Variants in ALPK2 observed in about 807,000 individuals in gnomAD.
ALPK2 encodes alpha-protein kinase 2.
Under a neutral mutation model 163.1 loss-of-function variants are expected in ALPK2, and 127 were observed. The ratio of observed to expected loss-of-function variants is 0.78; its 90% CI spans 0.67 to 0.90. ALPK2 has a LOEUF of 0.90. Ranked by LOEUF, ALPK2 falls within the 40% of genes least tolerant of loss-of-function variation. ALPK2 has a pLI of 0.00. For synonymous variants in ALPK2, 953 were observed against 959.1 expected, an observed-to-expected ratio of 0.99 and a Z score of 0.12; for missense variants, 2,360 against 2,589.6, an observed-to-expected ratio of 0.91 and a Z score of 1.92.
At chr18:58,513,508 T>C (rs887835478) in intron 10 of ALPK2, among the ~76,000 whole-genome samples, 3 of 152,238 alleles carry the variant, frequency 2.0e-5, no homozygotes, top group Admixed American at 6.5e-5. Context: ...ATCAGCCTCC[T>C]GATCCTTCAC....
In ALPK2 at chr18:58,578,919, T is replaced by G. The variant is rs1438411643; in HGVS notation, c.1857A>C (p.Thr619=). The G allele has an allele frequency of 6.2e-7, 1 of 1,614,252 alleles. No homozygotes were observed. The highest frequency in any genetic ancestry group is 1.1e-5 in the South Asian group (1 of 91,082). ...TGTTGCCTTCTTTGGAGACTGAGTC[T>G]GTTGAAGTTTGAAGGGTTTTTGCTT... ...EQEAKTLQTS[T]DSVSKEGNTN... is the part of the protein sequence containing the mutation. The change falls in exon 4 of 13, where the codon ACA becomes ACC. Residue 619 remains threonine (T), a synonymous_variant. Coordinates refer to ENST00000361673, the MANE Select transcript of ALPK2 (RefSeq NM_052947.4).
chr18:58,567,555 T>G (rs931898466), intron 4 of ALPK2, among the ~76,000 whole-genome samples: 1 of 152,114 alleles, frequency 6.6e-6, no homozygotes, highest in East Asian at 1.9e-4. Flanking sequence ...ACACGAGACA[T>G]CCAAATCCTT....
At position 58,537,231 on chromosome 18, in the gene ALPK2, A is replaced by C. The variant is rs375519276; in HGVS notation, c.2956T>G (p.Trp986Gly). The change falls in exon 5 of 13, where the codon TGG (tryptophan) becomes GGG (glycine). Residue 986 changes from tryptophan to glycine, a missense_variant. By Grantham distance (184) the Trp-to-Gly change is radical. Transcript: ENST00000361673. Reference sequence around the variant, plus strand: ...GCAGTTAATGTTGTTGGCTTCTCCCAAGGAAAACTCACAATTGAACTATAA... The same window carrying C: ...GCAGTTAATGTTGTTGGCTTCTCCCCAGGAAAACTCACAATTGAACTATAA... ...ASYSSIVSFP[W>G]EKPTTLTANN... The C allele has an allele frequency of 6.2e-7, 1 of 1,614,080 alleles. No individual in the cohort carries two copies. Among genetic ancestry groups the C allele is most frequent in the African/African-American group, 1.3e-5 (1 of 74,938 alleles).
chr18:58,558,094 G>A (rs1373625471), intron 4 of ALPK2, among the ~76,000 whole-genome samples: 1 of 152,192 alleles, frequency 6.6e-6, no homozygotes, highest in Non-Finnish European at 1.5e-5. Flanking sequence ...TTTAATTAAT[G>A]TGCATGTAAA....
At position 58,537,257 on chromosome 18, in the gene ALPK2, C is replaced by G. The variant is rs3809975; in HGVS notation, c.2930G>C (p.Ser977Thr). 52,906 of 1,614,184 alleles carry G rather than the reference C, an allele frequency of 0.033. 1,755 individuals carry two copies. The highest frequency in any genetic ancestry group is 0.14 in the Admixed American group (8,611 of 60,022). ...SAADTTATPA[S>T]YSSIVSFPWE... ...AGGAAAACTCACAATTGAACTATAA[C>G]TGGCTGGTGTGGCTGTGGTGTCTGC... is the stretch of plus-strand genomic sequence containing the variant. The change falls in exon 5 of 13, where the codon AGT (serine) becomes ACT (threonine). Residue 977 changes from serine (S) to threonine (T), a missense_variant. Transcript: ENST00000361673.
At chr18:58,609,707 A>G (rs2052117730) in intron 2 of ALPK2, among the ~76,000 whole-genome samples, 1 of 152,156 alleles carries the variant, frequency 6.6e-6, no homozygotes, top group Non-Finnish European at 1.5e-5. Context: ...TTCTCCTGCC[A>G]CTTGCTGGAA....
intron 2 of ALPK2, 84 bp downstream of exon 2, chr18:58,611,605 T>C (rs2052131764): frequency 2.5e-6 from 3 of 1,187,904 alleles, no homozygotes; most frequent in Non-Finnish European, 2.4e-6. Context: ...TCCCAAATGA[T>C]GTTTTAGTAA....
chr18:58,569,107 G>A (rs755708875), intron 4 of ALPK2, among the ~76,000 whole-genome samples: 3 of 152,144 alleles, frequency 2.0e-5, no homozygotes, highest in Non-Finnish European at 4.4e-5. Context: ...TCAGCTGCTC[G>A]TGAGCCTGAG....
At chr18:58,618,226 T>C (rs1381341748) in intron 1 of ALPK2, among the ~76,000 whole-genome samples, 1 of 152,164 alleles carries the variant, frequency 6.6e-6, no homozygotes, top group Non-Finnish European at 1.5e-5. Context: ...TTTGTATTTT[T>C]AGTAGAGACG....
chr18:58,550,409 C>CA, intron 4 of ALPK2, among the ~76,000 whole-genome samples: 2 of 1,084 alleles, frequency 1.8e-3, no homozygotes, highest in Non-Finnish European at 4.3e-3. Context: ...ACAACCCCAT[C>CA]CCATTTCCAT....
At chr18:58,585,668 C>G (rs12970677) in intron 3 of ALPK2, among the ~76,000 whole-genome samples, 1 of 148,728 alleles carries the variant, frequency 6.7e-6, no homozygotes, top group African/African-American at 2.5e-5. Context: ...TAAAATCCAC[C>G]ATTCTATGTT....
intron 12 of ALPK2, among the ~76,000 whole-genome samples, chr18:58,485,319 C>T (rs530669720): frequency 7.2e-5 from 11 of 152,306 alleles, no homozygotes; most frequent in Non-Finnish European, 1.6e-4. Flanking sequence ...GAGGTCGACA[C>T]ACCTGGACTG....
At chr18:58,543,431 G>A in intron 4 of ALPK2, 2 of 985,134 alleles carry the variant, frequency 2.0e-6, no homozygotes, top group Non-Finnish European at 2.4e-6. Context: ...CGTTGATACA[G>A]GCAGGAGGCT....
intron 3 of ALPK2, among the ~76,000 whole-genome samples, chr18:58,600,358 G>C (rs1208615341): frequency 3.3e-5 from 5 of 152,118 alleles, no homozygotes; most frequent in Non-Finnish European, 7.4e-5. Context: ...GTCTTTAAGT[G>C]ATTCACCTAT....
intron 1 of ALPK2, among the ~76,000 whole-genome samples, chr18:58,614,825 G>A (rs566581845): frequency 2.4e-4 from 37 of 152,158 alleles, no homozygotes; most frequent in Admixed American, 4.6e-4. Flanking sequence ...TTGTGCAACC[G>A]TCACCACAAT....
intron 4 of ALPK2, among the ~76,000 whole-genome samples, chr18:58,570,162 C>T (rs62096288): frequency 0.19 from 29,396 of 151,518 alleles, 3,233 homozygotes; most frequent in East Asian, 0.41. Flanking sequence ...GAAAAACCTC[C>T]GCCCTTCCCA....
intron 11 of ALPK2, among the ~76,000 whole-genome samples, chr18:58,500,157 A>G (rs1459308950): frequency 1.3e-5 from 2 of 151,782 alleles, no homozygotes; most frequent in African/African-American, 4.8e-5. Flanking sequence ...TAACTAATTC[A>G]TCTCATTCTT....
intron 3 of ALPK2, among the ~76,000 whole-genome samples, chr18:58,587,639 G>C (rs2051994239): frequency 6.6e-6 from 1 of 152,134 alleles, no homozygotes. Flanking sequence ...GCAGATTTGG[G>C]CAGATGGAAT....
rs1364516240 is a variant in ALPK2 at position 58,592,433 on chromosome 18, C to T, written c.228-11885G>A. 2.6e-5 allele frequency among the ~76,000 whole-genome samples: 4 copies of T among 152,168 alleles called. No individual in the cohort carries two copies. The South Asian group carries it at 6.2e-4, about 24-fold the overall frequency. On this transcript the variant is annotated intron_variant, in intron 3 of 12. Coordinates refer to ENST00000361673, the MANE Select transcript of ALPK2 (RefSeq NM_052947.4). ...AGCCAGGAGCACAGAACTCGAGCCC[C>T]GCAGGGAAGAATTACATTTTGGCTG...
Sources: gnomAD v4.1 joint callset for allele counts (sites outside exome capture counted in the v4.1 genomes callset) on GRCh38, gnomAD v4.1.1 for gene constraint, MANE v1.5 for transcripts, NCBI Gene and HGNC (gene_info 2026-07-23, HGNC 2026-07-21) for gene names.